Variants in RFC5 observed in about 807,000 individuals in gnomAD.
RFC5 encodes the protein A1 36 kDa subunit.
RFC5 carries 26 observed loss-of-function variants against 44.3 expected under a neutral mutation model. The observed-to-expected ratio is 0.59, with a 90% CI of 0.43 to 0.81. The LOEUF (loss-of-function observed/expected upper bound fraction) is 0.81, where lower values mean the gene tolerates loss of function less well. RFC5 is among the 40% of genes least tolerant of loss of function. The pLI, the probability that RFC5 is intolerant of heterozygous loss-of-function variation, is 0.00. For missense variants in RFC5, 328 were observed against 418.6 expected (o/e 0.78, Z 1.89); for synonymous variants, 155 against 155.2 (o/e 1.00, Z 0.01).
At chr12:118,023,571 TTCGGCA>T (rs1478832452) in intron 5 of RFC5, among the ~76,000 whole-genome samples, 16 of 152,044 alleles carry the variant, frequency 1.1e-4, no homozygotes, top group African/African-American at 3.9e-4. Context: ...GCAGCCTTTC[TTCGGCA>T]TCTTGTTCTG....
At chr12:118,024,289 C>T (rs1304881738) in intron 5 of RFC5, among the ~76,000 whole-genome samples, 7 of 150,498 alleles carry the variant, frequency 4.7e-5, no homozygotes, top group African/African-American at 9.8e-5. Flanking sequence ...TGCAGGGAGC[C>T]AAGATCGTGC....
chr12:118,020,719 C>T (rs560720955), intron 3 of RFC5, among the ~76,000 whole-genome samples, 187 bp from the exon 4 acceptor site: 18 of 152,224 alleles, frequency 1.2e-4, no homozygotes, highest in African/African-American at 4.1e-4. Flanking sequence ...GGTAATATAG[C>T]CATCTTTATT....
At chr12:118,040,153 A>G in the RFC5 span, among the ~76,000 whole-genome samples, 358 of 152,202 alleles carry the variant, frequency 2.4e-3, 3 homozygotes, top group Middle Eastern at 0.044. Flanking sequence ...AGCCCATGCA[A>G]CACAGTGAGA....
chr12:118,028,500 C>CAAA (rs2031106774), intron 9 of RFC5, among the ~76,000 whole-genome samples: 2 of 144,740 alleles, frequency 1.4e-5, no homozygotes, highest in African/African-American at 2.6e-5. Flanking sequence ...AAAAACAAAA[C>CAAA]AAAACACAAA....
the RFC5 span, among the ~76,000 whole-genome samples, chr12:118,038,551 C>CAGATTTGTCATTTAAACACCTGT: frequency 6.6e-6 from 1 of 152,162 alleles, no homozygotes. Context: ...GAAATATGAC[C>CAGATTTGTCATTTAAACACCTGT]AGATTTGTCA....
rs528762753 is a variant in RFC5, at chr12:118,029,586, C to T, written c.872-185C>T. Among the ~76,000 whole-genome samples the T allele has an allele frequency of 1.3e-4, 20 of 152,146 alleles. No homozygotes were observed. In the East Asian group the frequency reaches 2.5e-3, roughly 19 times the overall value. ...TTGTCTACCCTATAAAGCACAAAATCGAGTGGGTAAAAAGTATGAAACCAG... is the reference window on the plus strand; with the variant it reads ...TTGTCTACCCTATAAAGCACAAAATTGAGTGGGTAAAAAGTATGAAACCAG... On this transcript the variant is annotated intron_variant, in intron 9 of 10. Transcript: ENST00000454402.
chr12:118,022,456 C>CCG (rs1566123189), intron 5 of RFC5, 97 bp downstream of exon 5: 2 of 852,656 alleles, frequency 2.3e-6, no homozygotes, highest in Non-Finnish European at 3.8e-6. Context: ...TTTTTTTAGG[C>CCG]GGGGGGGAGT....
chr12:118,034,144 C>A, downstream of RFC5: 1 of 1,608,754 alleles, frequency 6.2e-7, no homozygotes, highest in Non-Finnish European at 8.5e-7. Flanking sequence ...CAGCAACTCC[C>A]TTTGACAGGA....
the RFC5 span, among the ~76,000 whole-genome samples, chr12:118,040,215 C>T: frequency 1.3e-5 from 2 of 152,040 alleles, no homozygotes; most frequent in Non-Finnish European, 2.9e-5. Flanking sequence ...TGTCAAATCT[C>T]AGGGTGCTGG....
At chr12:118,033,449 TAACTC>T (rs1159642800), downstream of RFC5, 4 of 151,994 alleles carry the variant, frequency 2.6e-5, no homozygotes, top group Non-Finnish European at 4.4e-5. Flanking sequence ...TGGCCACTGA[TAACTC>T]AGTAGCCATC....
At chr12:118,036,721 C>T (rs2031519738), downstream of RFC5, among the ~76,000 whole-genome samples, 1 of 152,136 alleles carries the variant, frequency 6.6e-6, no homozygotes, top group Non-Finnish European at 1.5e-5. Context: ...TGGGCATGCT[C>T]AAGGAGCTCA....
rs563284021 is a variant in RFC5, at chr12:118,021,640, TA to T, written c.348-633del. Among the ~76,000 whole-genome samples the T allele has an allele frequency of 5.9e-3, 783 of 133,092 alleles. 1 individual carries two copies. Among genetic ancestry groups the T allele is most frequent in the Middle Eastern group, 0.024 (6 of 254 alleles). 87.3% of individuals were successfully genotyped at this position (133,092 alleles called of 152,430 possible). A position where few individuals can be genotyped will look rare whatever the true frequency, so the allele number is the denominator to read the frequency against. On this transcript the variant is annotated intron_variant, in intron 4 of 10. Transcript: ENST00000454402. ...CAGGAAGGACAACTAGGATGGTGGCTAAAAAAAAAAAAAGAAAGAAAGAAAA... is the reference window on the plus strand; with the variant it reads ...CAGGAAGGACAACTAGGATGGTGGCTAAAAAAAAAAAAGAAAGAAAGAAAA...
downstream of RFC5, chr12:118,033,836 G>C: frequency 3.8e-6 from 1 of 262,936 alleles, no homozygotes; most frequent in Non-Finnish European, 7.5e-6. Flanking sequence ...GAGCTGCTCT[G>C]CCACTAGAGA....
intron 3 of RFC5, 103 bp from the exon 4 acceptor site, chr12:118,020,803 C>G: frequency 1.6e-6 from 1 of 634,146 alleles, no homozygotes; most frequent in Non-Finnish European, 2.8e-6. Flanking sequence ...ACATAGAGAG[C>G]TAGCCTGCTG....
At chr12:118,040,991 G>T in the RFC5 span, among the ~76,000 whole-genome samples, 1 of 152,266 alleles carries the variant, frequency 6.6e-6, no homozygotes, top group Non-Finnish European at 1.5e-5. Flanking sequence ...GGAGGTTGCA[G>T]TGAGCTGAGA....
In RFC5 at chr12:118,019,084, C is replaced by A. The variant is rs1361166634; in HGVS notation, c.78C>A (p.Tyr26Ter). 6.2e-7 allele frequency: 1 copy of A among 1,609,600 alleles called. No individual in the cohort carries two copies. Among genetic ancestry groups the A allele is most frequent in the Non-Finnish European group, 8.5e-7 (1 of 1,176,120 alleles). The stretch of plus-strand genomic sequence containing the variant: ...AATTGTATTTCAGGGTTGAAAAATA[C>A]CGGCCACAGACCCTGAATGATCTCA... The part of the protein sequence containing the change: ...KIRNLPWVEK[Y>*]RPQTLNDLIS... The change falls in exon 2 of 11, where the codon TAC becomes TAA. Residue 26 changes from tyrosine to a stop codon, truncating the protein, a stop_gained. Coordinates refer to ENST00000454402, the MANE Select transcript of RFC5 (RefSeq NM_007370.7). LOFTEE classifies it high-confidence loss of function. The surrounding 1 kb of genome is among the most constrained non-coding windows in gnomAD (Gnocchi z 4.2).
chr12:118,030,673 CTG>C (rs1459164001), intron 10 of RFC5, among the ~76,000 whole-genome samples: 1 of 152,214 alleles, frequency 6.6e-6, no homozygotes, highest in African/African-American at 2.4e-5. Flanking sequence ...GAGTCCCACT[CTG>C]TCGCCCAGGC....
chr12:118,017,446 G>A (rs1490114925), intron 1 of RFC5, among the ~76,000 whole-genome samples: 1 of 152,178 alleles, frequency 6.6e-6, no homozygotes, highest in African/African-American at 2.4e-5. Flanking sequence ...GTCCAAGGGA[G>A]AAAATTGGCT....
Position 118,028,042 on chromosome 12 carries a change from T to C in RFC5, c.871+12T>C. The C allele has an allele frequency of 6.4e-7, 1 of 1,552,362 alleles. No homozygotes were observed. Among genetic ancestry groups the C allele is most frequent in the Non-Finnish European group, 8.9e-7 (1 of 1,125,450 alleles). ...GTTTGTGCATAGAGGTAACTTACAT[T>C]ATCCCCCAGCTGAGAAGCTGTGGAG... On this transcript the variant is annotated intron_variant, in intron 9 of 10. Transcript: ENST00000454402.
Sources: allele counts gnomAD v4.1 joint callset (sites outside exome capture counted in the v4.1 genomes callset), GRCh38; gene constraint gnomAD v4.1.1; non-coding constraint Gnocchi (gnomAD v3.1); transcripts MANE v1.5; gene names NCBI Gene and HGNC (gene_info 2026-07-23, HGNC 2026-07-21).